The following MIR2052HG variants were observed in gnomAD, a reference collection of about 807,000 sequenced individuals.
The protein encoded by MIR2052HG is MIR2052 host gene.
At chr8:74,758,312 A>C (rs1232565159) in intron 6 of MIR2052HG, 1 of 152,132 alleles carries the variant, frequency 6.6e-6, no homozygotes, top group Non-Finnish European at 1.5e-5. Flanking sequence ...GTAGATAAGC[A>C]TAAAGAAGAA....
intron 4 of MIR2052HG, among the ~76,000 whole-genome samples, chr8:74,713,611 A>G (rs1809491505): frequency 6.6e-6 from 1 of 152,150 alleles, no homozygotes; most frequent in Non-Finnish European, 1.5e-5. Flanking sequence ...TAGACAGTGC[A>G]TAGAACACTG....
At chr8:74,671,270 A>G (rs965230011) in intron 2 of MIR2052HG, among the ~76,000 whole-genome samples, 3 of 152,112 alleles carry the variant, frequency 2.0e-5, no homozygotes, top group African/African-American at 7.2e-5. Flanking sequence ...AGAAACTCCT[A>G]TGCATTTTGT....
At chr8:74,602,876 T>TCTTTCTTTCTTTTCTTTCTTTC (rs1554570015) in intron 1 of MIR2052HG, among the ~76,000 whole-genome samples, 24 of 137,138 alleles carry the variant, frequency 1.8e-4, no homozygotes, top group East Asian at 8.9e-4. Context: ...TTTCTTTCTT[T>TCTTTCTTTCTTTTCTTTCTTTC]TTTCTATTCA....
chr8:74,666,058 A>G (rs1465885980), intron 2 of MIR2052HG, among the ~76,000 whole-genome samples: 2 of 152,136 alleles, frequency 1.3e-5, no homozygotes, highest in African/African-American at 4.8e-5. Context: ...CAGTGTGAGA[A>G]CAGACCAATA....
chr8:74,675,097 T>C (rs1286946527), intron 2 of MIR2052HG, among the ~76,000 whole-genome samples: 1 of 152,064 alleles, frequency 6.6e-6, no homozygotes, highest in African/African-American at 2.4e-5. Context: ...ACCAGATACT[T>C]ATCTAAATTG....
intron 2 of MIR2052HG, among the ~76,000 whole-genome samples, chr8:74,680,031 T>G (rs1462831457): frequency 6.6e-6 from 1 of 152,180 alleles, no homozygotes; most frequent in East Asian, 1.9e-4. Context: ...ACGGATCATA[T>G]TATTGTCAAC....
At chr8:74,719,350 A>G (rs1269651820) in intron 4 of MIR2052HG, among the ~76,000 whole-genome samples, 1 of 152,212 alleles carries the variant, frequency 6.6e-6, no homozygotes, top group Non-Finnish European at 1.5e-5. Flanking sequence ...TGGAGATTGC[A>G]TAGCGAGCAC....
intron 2 of MIR2052HG, among the ~76,000 whole-genome samples, chr8:74,643,535 CAA>C: frequency 6.6e-6 from 1 of 152,216 alleles, no homozygotes; most frequent in East Asian, 1.9e-4. Flanking sequence ...TGTCAGCTAA[CAA>C]AATGCCTGCA....
At chr8:74,687,639 T>G (rs1809196405) in intron 2 of MIR2052HG, among the ~76,000 whole-genome samples, 1 of 152,134 alleles carries the variant, frequency 6.6e-6, no homozygotes, top group East Asian at 1.9e-4. Context: ...TAGTAAAACT[T>G]ACAGAGGCAG....
intron 2 of MIR2052HG, among the ~76,000 whole-genome samples, chr8:74,663,227 AG>A (rs1223846731): frequency 6.6e-6 from 1 of 151,998 alleles, no homozygotes; most frequent in Non-Finnish European, 1.5e-5. Flanking sequence ...TTTTTTGCCC[AG>A]GGGAAAAAAA....
chr8:74,611,595 A>G (rs1289966073), intron 1 of MIR2052HG, among the ~76,000 whole-genome samples: 1 of 152,228 alleles, frequency 6.6e-6, no homozygotes, highest in Non-Finnish European at 1.5e-5. Context: ...AGTCTCTCAT[A>G]AATAGTACAT....
At chr8:74,731,815 T>G (rs535269977) in intron 4 of MIR2052HG, among the ~76,000 whole-genome samples, 1 of 152,244 alleles carries the variant, frequency 6.6e-6, no homozygotes, top group Non-Finnish European at 1.5e-5. Flanking sequence ...GTCTTTTTTG[T>G]CACTGTAACT....
intron 2 of MIR2052HG, among the ~76,000 whole-genome samples, chr8:74,651,735 G>A (rs752438438): frequency 9.9e-5 from 15 of 152,058 alleles, no homozygotes; most frequent in Non-Finnish European, 1.6e-4. Flanking sequence ...TTGCTGGTAG[G>A]CATTTGTTAG....
chr8:74,687,236 A>C (rs188769437), intron 2 of MIR2052HG, among the ~76,000 whole-genome samples: 15 of 152,304 alleles, frequency 9.8e-5, no homozygotes, highest in Non-Finnish European at 2.2e-4. Flanking sequence ...ACACTTGTAC[A>C]CCATTGGTGG....
At chr8:74,632,675 C>T (rs766343937) in intron 2 of MIR2052HG, among the ~76,000 whole-genome samples, 39 of 152,154 alleles carry the variant, frequency 2.6e-4, no homozygotes, top group Admixed American at 4.6e-4. Context: ...TTATCCTTCA[C>T]CAATATTCTG....
intron 2 of MIR2052HG, among the ~76,000 whole-genome samples, chr8:74,689,842 A>G (rs1400486519): frequency 6.6e-6 from 1 of 152,218 alleles, no homozygotes; most frequent in African/African-American, 2.4e-5. Flanking sequence ...TCTGAACACT[A>G]TGGGAGATTC....
At chr8:74,676,299 T>A (rs910606673) in intron 2 of MIR2052HG, among the ~76,000 whole-genome samples, 1 of 152,022 alleles carries the variant, frequency 6.6e-6, no homozygotes, top group African/African-American at 2.4e-5. Context: ...ATGTCTGATG[T>A]CTCAGATTGA....
At chr8:74,666,608 G>A (rs1808926615) in intron 2 of MIR2052HG, among the ~76,000 whole-genome samples, 1 of 152,146 alleles carries the variant, frequency 6.6e-6, no homozygotes, top group Non-Finnish European at 1.5e-5. Context: ...CTGAATGAAT[G>A]TCTTGTAGAC....
chr8:74,698,250 T>A (rs1809320632), intron 2 of MIR2052HG, among the ~76,000 whole-genome samples: 1 of 151,916 alleles, frequency 6.6e-6, no homozygotes, highest in African/African-American at 2.4e-5. Flanking sequence ...AAAAACAAAG[T>A]CGGGGAAAGG....
Sources: allele counts gnomAD v4.1 joint callset (sites outside exome capture counted in the v4.1 genomes callset), GRCh38; gene constraint gnomAD v4.1.1; transcripts MANE v1.5; gene names NCBI Gene and HGNC (gene_info 2026-07-23, HGNC 2026-07-21).